VGLL4: variants seen among roughly 807,000 people sequenced by gnomAD.
VGLL4 encodes vestigial like family member 4.
Under a neutral mutation model 21.0 loss-of-function variants are expected in VGLL4, and 7 were observed. The ratio of observed to expected loss-of-function variants is 0.33; its 90% CI spans 0.19 to 0.63. The LOEUF (loss-of-function observed/expected upper bound fraction) is 0.63. Among genes scored for constraint, VGLL4 ranks in the 20% least tolerant of loss-of-function variants. The pLI is 0.78. For synonymous variants in VGLL4, 222 were observed against 173.2 expected (o/e 1.28, Z -2.21); for missense variants, 394 against 425.7 (o/e 0.93, Z 0.66).
At chr3:11,639,936 A>G (rs969861130) in intron 1 of VGLL4, among the ~76,000 whole-genome samples, 3 of 152,190 alleles carry the variant, frequency 2.0e-5, no homozygotes, top group Non-Finnish European at 2.9e-5. Context: ...GAAGATTCAT[A>G]GAAGAGTCAA....
At chr3:11,700,255 C>T (rs1185074844) in intron 2 of VGLL4, among the ~76,000 whole-genome samples, 1 of 152,188 alleles carries the variant, frequency 6.6e-6, no homozygotes, top group Admixed American at 6.5e-5. Flanking sequence ...ACTCTCCCCA[C>T]TTAAAGACAC....
chr3:11,697,024 T>C (rs2076614817), intron 2 of VGLL4, among the ~76,000 whole-genome samples: 1 of 152,112 alleles, frequency 6.6e-6, no homozygotes, highest in African/African-American at 2.4e-5. Context: ...ATTAGAGGTG[T>C]AAGCCACCAC....
Position 11,631,835 on chromosome 3 carries a change from T to C in VGLL4, c.82+11602A>G, listed in dbSNP as rs76046994. Reference sequence around the variant, plus strand: ...AGAACAAGTGGAAAATCCCAGTCCATTATCCCAATTAAGCCCCAGGTTTGC... The same window carrying C: ...AGAACAAGTGGAAAATCCCAGTCCACTATCCCAATTAAGCCCCAGGTTTGC... On this transcript the variant is annotated intron_variant, in intron 1 of 4. Coordinates refer to ENST00000430365, the MANE Select transcript of VGLL4 (RefSeq NM_001128219.3). Among the ~76,000 whole-genome samples, 87 of 152,292 alleles carry C rather than the reference T, an allele frequency of 5.7e-4. 1 individual carries two copies. The highest frequency in any genetic ancestry group is 2.0e-3 in the African/African-American group (83 of 41,574).
intron 2 of VGLL4, 28 bp downstream of exon 2, chr3:11,601,804 TA>T (rs1236705730): frequency 1.9e-6 from 3 of 1,612,362 alleles, no homozygotes; most frequent in Non-Finnish European, 2.5e-6. Flanking sequence ...GGAGCACCCT[TA>T]AGCCAAAATA....
chr3:11,613,510 C>T (rs1372122315), intron 1 of VGLL4, among the ~76,000 whole-genome samples: 3 of 152,216 alleles, frequency 2.0e-5, no homozygotes, highest in Non-Finnish European at 4.4e-5. Context: ...GAATTCACCA[C>T]GTGCTGCTCT....
rs111577306 is a variant in VGLL4 at position 11,559,173 on chromosome 3, C to T, written c.619+159G>A. 2.3e-3 allele frequency among the ~76,000 whole-genome samples: 350 copies of T among 152,262 alleles called. 1 individual carries two copies. The highest frequency in any genetic ancestry group is 8.0e-3 in the African/African-American group (332 of 41,512). On this transcript the variant is annotated intron_variant, in intron 4 of 4. Coordinates refer to ENST00000430365, the MANE Select transcript of VGLL4 (RefSeq NM_001128219.3). ...TCATGCCCTTCCCACCCAAGTCATG[C>T]GCAACGCTAGGCGCACACTGGACGT...
intron 2 of VGLL4, among the ~76,000 whole-genome samples, chr3:11,673,177 G>A (rs1220620527): frequency 6.6e-6 from 1 of 152,058 alleles, no homozygotes; most frequent in African/African-American, 2.4e-5. Context: ...CTACTAACGT[G>A]GAAGATAGAG....
intron 2 of VGLL4, among the ~76,000 whole-genome samples, chr3:11,597,100 G>A (rs1316086798): frequency 6.6e-6 from 1 of 152,164 alleles, no homozygotes; most frequent in African/African-American, 2.4e-5. Flanking sequence ...GTTCTTGTTT[G>A]TCAACTCTGG....
rs1299516501 is a variant in VGLL4, at chr3:11,719,658, C to T, written c.-14+736G>A. 1 of 152,438 alleles carries T rather than the reference C, an allele frequency of 6.6e-6. No individual in the cohort carries two copies. The highest frequency in any genetic ancestry group is 2.4e-5 in the African/African-American group (1 of 41,462). The allele number at this position is 152,438 out of a possible 1,614,324, so 9.4% of individuals were successfully genotyped here. ...ATCCCTGGAATGAGGCACCGGCCAA[C>T]CTGAGCCGGGCTCCGCCAGGCCAGC... On this transcript the variant is annotated intron_variant, in intron 1 of 5. Coordinates refer to the VGLL4 transcript ENST00000273038. This position sits in a 1 kb window ranked among gnomAD's most constrained non-coding sequence, Gnocchi z 4.0.
At chr3:11,610,636 CTT>C (rs1401866846) in intron 1 of VGLL4, 1 of 152,212 alleles carries the variant, frequency 6.6e-6, no homozygotes, top group African/African-American at 2.4e-5. Flanking sequence ...CAGCTCTACT[CTT>C]TTTGTTTAAG....
chr3:11,640,179 AT>A (rs202039620), intron 1 of VGLL4, among the ~76,000 whole-genome samples: 1 of 151,600 alleles, frequency 6.6e-6, no homozygotes, highest in African/African-American at 2.4e-5. Context: ...GCTTGCACTG[AT>A]TTTTTTTTGA....
intron 1 of VGLL4, among the ~76,000 whole-genome samples, chr3:11,641,824 G>A (rs2075693406): frequency 6.6e-6 from 1 of 151,940 alleles, no homozygotes; most frequent in Admixed American, 6.6e-5. Context: ...ACTCGACCTG[G>A]GCTCGCTGTC....
At chr3:11,680,319 T>C (rs7644580) in intron 2 of VGLL4, among the ~76,000 whole-genome samples, 80,470 of 152,098 alleles carry the variant, frequency 0.53, 22,354 homozygotes, top group Non-Finnish European at 0.63. Flanking sequence ...GTTATAACCA[T>C]GAGCTGTTTT....
intron 2 of VGLL4, among the ~76,000 whole-genome samples, chr3:11,573,247 GAAAGAAAGAAAGAAAGAAAGAA>G (rs2073853251): frequency 2.1e-5 from 1 of 47,728 alleles, no homozygotes; most frequent in Admixed American, 2.2e-4. Flanking sequence ...AAGAAATAGA[GAAAGAAAGAAAGAAAGAAAGAA>G]AGAAAGAAAG....
At chr3:11,566,997 C>G (rs537493384) in intron 2 of VGLL4, among the ~76,000 whole-genome samples, 19 of 152,252 alleles carry the variant, frequency 1.2e-4, no homozygotes, top group African/African-American at 4.3e-4. Context: ...GAGGAGTCAA[C>G]TGGAGGCGCA....
intron 2 of VGLL4, among the ~76,000 whole-genome samples, chr3:11,682,521 T>G (rs1362969608): frequency 1.3e-5 from 2 of 151,312 alleles, no homozygotes; most frequent in Non-Finnish European, 2.9e-5. Flanking sequence ...GAAGCTGCAA[T>G]GAGCCAAGAT....
intron 1 of VGLL4, among the ~76,000 whole-genome samples, chr3:11,704,505 A>C (rs1035162881): frequency 3.3e-5 from 5 of 151,794 alleles, no homozygotes; most frequent in Non-Finnish European, 5.9e-5. Context: ...CAGGCGGGAA[A>C]AATAAACAAA....
intron 1 of VGLL4, among the ~76,000 whole-genome samples, chr3:11,606,344 C>T (rs2074940212): frequency 6.6e-6 from 1 of 152,176 alleles, no homozygotes; most frequent in Non-Finnish European, 1.5e-5. Context: ...CCAACATCGT[C>T]AGCCATCAAG....
chr3:11,637,525 AGAATAGATTCTC>A (rs1302773866), intron 1 of VGLL4, among the ~76,000 whole-genome samples: 1 of 152,252 alleles, frequency 6.6e-6, no homozygotes, highest in Non-Finnish European at 1.5e-5. Flanking sequence ...AGGACTTTTA[AGAATAGATTCTC>A]TATTTCATTT....
Sources: allele counts gnomAD v4.1 joint callset (sites outside exome capture counted in the v4.1 genomes callset), GRCh38; gene constraint gnomAD v4.1.1; non-coding constraint Gnocchi (gnomAD v3.1); transcripts MANE v1.5; gene names NCBI Gene and HGNC (gene_info 2026-07-23, HGNC 2026-07-21).